XPO4: variants seen among roughly 807,000 people sequenced by gnomAD.
XPO4 encodes exportin-4.
A neutral mutation model predicts 143.0 loss-of-function variants in XPO4; 39 were observed. That is an observed-to-expected ratio of 0.27 (90% CI 0.21 to 0.36). XPO4 has a LOEUF of 0.36. Ranked by LOEUF, XPO4 falls within the 10% of genes least tolerant of loss-of-function variation. The pLI is 1.00. For synonymous variants in XPO4, 439 were observed against 474.0 expected, an observed-to-expected ratio of 0.93 and a Z score of 0.96; for missense variants, 907 against 1,348.0, an observed-to-expected ratio of 0.67 and a Z score of 5.12.
At chr13:20,826,845 T>G (rs148670183) in intron 7 of XPO4, among the ~76,000 whole-genome samples, 1 of 152,346 alleles carries the variant, frequency 6.6e-6, no homozygotes, top group African/African-American at 2.4e-5. Flanking sequence ...AATTAAAAGT[T>G]TGAGAACTTC....
rs139121754 is a variant in XPO4 at position 20,784,312 on chromosome 13, C to T, written c.3259-393G>A. Among the ~76,000 whole-genome samples, 120 of 152,294 alleles carry T rather than the reference C, an allele frequency of 7.9e-4. 1 individual carries two copies. The highest frequency in any genetic ancestry group is 2.9e-3 in the African/African-American group (119 of 41,556). The stretch of plus-strand genomic sequence containing the variant: ...GTTGCGTTTGACACATAATCTAAGT[C>T]TGCAATAGTTCCCCAGAGGTTAATA... On this transcript the variant is annotated intron_variant, in intron 22 of 22. Coordinates refer to ENST00000255305, the MANE Select transcript of XPO4 (RefSeq NM_022459.5).
At chr13:20,890,752 T>C (rs956357601) in intron 1 of XPO4, among the ~76,000 whole-genome samples, 4 of 147,264 alleles carry the variant, frequency 2.7e-5, no homozygotes, top group Admixed American at 1.4e-4. Flanking sequence ...TGAGCCGAGA[T>C]TGCGCAACTG....
rs772923448 is a variant in XPO4, at chr13:20,809,932, A to G, written c.1209T>C (p.Tyr403=). The change falls in exon 10 of 23, where the codon TAT becomes TAC. Residue 403 remains tyrosine (Y), a synonymous_variant. Transcript: ENST00000255305. ...DKDDMVYMEA[Y]DKLLESWLTL... is the part of the protein sequence containing the mutation. ...TTAACCAGGACTCCAACAATTTATC[A>G]TATGCTTCCATGTATACCATGTCAT... The G allele has an allele frequency of 1.9e-6, 3 of 1,613,572 alleles. No homozygotes were observed. Among genetic ancestry groups the G allele is most frequent in the Non-Finnish European group, 8.5e-7 (1 of 1,179,750 alleles).
At chr13:20,807,154 C>G (rs990484118) in intron 13 of XPO4, among the ~76,000 whole-genome samples, 3 of 152,186 alleles carry the variant, frequency 2.0e-5, no homozygotes, top group Non-Finnish European at 4.4e-5. Context: ...GTATTGCTCT[C>G]TGATGGACAG....
At chr13:20,855,878 G>A in intron 3 of XPO4, 113 bp from the exon 4 acceptor site, 1 of 1,185,188 alleles carries the variant, frequency 8.4e-7, no homozygotes, top group Non-Finnish European at 1.2e-6. Flanking sequence ...TGTGAGAGTA[G>A]AAGAGCCAAA....
intron 4 of XPO4, among the ~76,000 whole-genome samples, chr13:20,854,594 C>T (rs1320128534): frequency 6.6e-6 from 1 of 151,862 alleles, no homozygotes; most frequent in Non-Finnish European, 1.5e-5. Context: ...TAATAATATC[C>T]GAGACTCAGA....
intron 18 of XPO4, among the ~76,000 whole-genome samples, chr13:20,794,875 A>G (rs1478317967): frequency 6.6e-6 from 1 of 152,072 alleles, no homozygotes; most frequent in African/African-American, 2.4e-5. Flanking sequence ...GAATTTGTAC[A>G]GTGCTTTTCA....
chr13:20,856,995 C>G (rs2060150683), intron 3 of XPO4: 1 of 553,252 alleles, frequency 1.8e-6, no homozygotes, highest in Non-Finnish European at 2.3e-6. Context: ...TGCTGCATAA[C>G]ATGCATTTAT....
intron 9 of XPO4, among the ~76,000 whole-genome samples, chr13:20,813,977 C>A (rs572603514): frequency 6.7e-6 from 1 of 150,252 alleles, no homozygotes; most frequent in African/African-American, 2.4e-5. Context: ...AAAAAAAAAT[C>A]TATTGAACGC....
chr13:20,834,506 G>A (rs1027346694), intron 6 of XPO4, among the ~76,000 whole-genome samples: 4 of 151,698 alleles, frequency 2.6e-5, no homozygotes, highest in African/African-American at 9.7e-5. Flanking sequence ...CCAAGAAGTC[G>A]AGGCTGCCAA....
At chr13:20,884,954 G>GT (rs980199245) in intron 1 of XPO4, among the ~76,000 whole-genome samples, 3 of 151,672 alleles carry the variant, frequency 2.0e-5, no homozygotes, top group Non-Finnish European at 4.4e-5. Context: ...TTTTTGGTTT[G>GT]TTTTTTTGTT....
rs1471355711 is a variant in XPO4, at chr13:20,862,933, A to T, written c.176-75T>A. 1.3e-5 allele frequency: 20 copies of T among 1,585,562 alleles called. No individual in the cohort carries two copies. In the South Asian group the frequency reaches 2.3e-4, roughly 18 times the overall value. On this transcript the variant is annotated intron_variant, in intron 2 of 22. Coordinates refer to ENST00000255305, the MANE Select transcript of XPO4 (RefSeq NM_022459.5). ...GCACATTTTGCATTTATTAATTTTA[A>T]AACAGAACTTTTCAGACAAGGAATA...
intron 6 of XPO4, among the ~76,000 whole-genome samples, chr13:20,831,462 A>C (rs1243245568): frequency 1.3e-5 from 2 of 152,206 alleles, no homozygotes; most frequent in African/African-American, 4.8e-5. Flanking sequence ...ATTACATGCT[A>C]GTCAAATTTT....
chr13:20,829,905 C>A (rs937664644), intron 6 of XPO4, among the ~76,000 whole-genome samples: 1 of 152,126 alleles, frequency 6.6e-6, no homozygotes, highest in African/African-American at 2.4e-5. Flanking sequence ...TCATATAATT[C>A]TCTCCTCTAT....
intron 18 of XPO4, among the ~76,000 whole-genome samples, chr13:20,792,991 T>C (rs1949663631): frequency 6.6e-6 from 1 of 152,018 alleles, no homozygotes; most frequent in African/African-American, 2.4e-5. Context: ...GGTTTCTCCA[T>C]GTTGGCCTGG....
rs1319921435 is a variant in XPO4, at chr13:20,781,850, A to G, written c.*1872T>C. The stretch of plus-strand genomic sequence containing the variant: ...AAAACACCAAGAACAATGCAAAACA[A>G]ATAGATTACTGCTGCATATCACTTC... On this transcript the variant is annotated 3_prime_UTR_variant, in exon 23 of 23. Transcript: ENST00000255305. 1 of 152,234 alleles carries G rather than the reference A, an allele frequency of 6.6e-6. No individual in the cohort carries two copies. Among genetic ancestry groups the G allele is most frequent in the Non-Finnish European group, 1.5e-5 (1 of 68,036 alleles). 9.4% of individuals were successfully genotyped at this position (152,234 alleles called of 1,614,324 possible).
chr13:20,784,041 G>A, intron 22 of XPO4, 122 bp from the exon 23 acceptor site: 1 of 897,874 alleles, frequency 1.1e-6, no homozygotes, highest in Non-Finnish European at 1.7e-6. Flanking sequence ...TTAACATTTA[G>A]AATAATTCAG....
At chr13:20,795,983 T>G in intron 18 of XPO4, 93 bp downstream of exon 18, 1 of 1,300,748 alleles carries the variant, frequency 7.7e-7, no homozygotes, top group Non-Finnish European at 1.0e-6. Flanking sequence ...AAATTGAATT[T>G]CCTCATGAGA....
chr13:20,809,847 C>T lies in XPO4; in HGVS notation c.1294G>A (p.Val432Ile). Reference sequence around the variant, plus strand: ...TGGCACTGAATATAGGAATTGAAAACTTGAACTGCATGTTGGGTAAAAAAG... The same window carrying T: ...TGGCACTGAATATAGGAATTGAAAATTTGAACTGCATGTTGGGTAAAAAAG... ...KGFFTQHAVQ[V>I]FNSYIQCHLA... The change falls in exon 10 of 23, where the codon GTT becomes ATT. Residue 432 changes from valine to isoleucine, a missense_variant. Physicochemically the swap from Val to Ile is conservative, Grantham distance 29. Coordinates refer to ENST00000255305, the MANE Select transcript of XPO4 (RefSeq NM_022459.5). 3 of 1,613,766 alleles carry T rather than the reference C, an allele frequency of 1.9e-6. No homozygotes were observed. Among genetic ancestry groups the T allele is most frequent in the Non-Finnish European group, 1.7e-6 (2 of 1,179,840 alleles).
Sources: gnomAD v4.1 joint callset for allele counts (sites outside exome capture counted in the v4.1 genomes callset) on GRCh38, gnomAD v4.1.1 for gene constraint, MANE v1.5 for transcripts, NCBI Gene and HGNC (gene_info 2026-07-23, HGNC 2026-07-21) for gene names.